Variants in ITPKB observed in about 807,000 individuals in gnomAD.
ITPKB encodes the protein IP3 3-kinase B.
ITPKB carries 13 observed loss-of-function variants against 69.4 expected under a neutral mutation model. The observed-to-expected ratio is 0.19, with a 90% confidence interval of 0.12 to 0.30. The LOEUF (loss-of-function observed/expected upper bound fraction) is 0.30. ITPKB is among the 10% of genes least tolerant of loss of function. The pLI is 1.00. For synonymous variants in ITPKB, 584 were observed against 513.7 expected, an observed-to-expected ratio of 1.14 and a Z score of -1.85; for missense variants, 1,240 against 1,250.5, an observed-to-expected ratio of 0.99 and a Z score of 0.13.
intron 2 of ITPKB, among the ~76,000 whole-genome samples, chr1:226,656,064 T>C (rs1669281821): frequency 6.6e-6 from 1 of 152,250 alleles, no homozygotes; most frequent in Admixed American, 6.5e-5. Flanking sequence ...GAAGAATGAC[T>C]GAGGATGCTC....
chr1:226,716,448 A>G (rs987621524), intron 2 of ITPKB, among the ~76,000 whole-genome samples: 2 of 152,106 alleles, frequency 1.3e-5, no homozygotes, highest in African/African-American at 4.8e-5. Context: ...ATAAATATGC[A>G]GGATGTGCAG....
chr1:226,650,794 C>G (rs1669174047), intron 2 of ITPKB, among the ~76,000 whole-genome samples: 1 of 152,180 alleles, frequency 6.6e-6, no homozygotes, highest in South Asian at 2.1e-4. Flanking sequence ...CAGGGGAGAA[C>G]ACACATTGCA....
intron 3 of ITPKB, among the ~76,000 whole-genome samples, chr1:226,648,045 G>A (rs1669098509): frequency 6.6e-6 from 1 of 152,204 alleles, no homozygotes; most frequent in South Asian, 2.1e-4. Flanking sequence ...TGCTTCCAGA[G>A]GGTCCTACAT....
At chr1:226,717,140 C>T (rs1657116371) in intron 2 of ITPKB, among the ~76,000 whole-genome samples, 1 of 152,126 alleles carries the variant, frequency 6.6e-6, no homozygotes, top group Non-Finnish European at 1.5e-5. Flanking sequence ...CCCTGTTTCT[C>T]GATGGAGACC....
chr1:226,668,177 G>GCAT (rs1395334701), intron 2 of ITPKB, among the ~76,000 whole-genome samples: 3 of 152,184 alleles, frequency 2.0e-5, no homozygotes, highest in African/African-American at 7.2e-5. Flanking sequence ...AACAATTGCT[G>GCAT]CATTATTCTT....
intron 2 of ITPKB, among the ~76,000 whole-genome samples, chr1:226,667,162 C>A (rs1341475580): frequency 6.6e-6 from 1 of 152,196 alleles, no homozygotes; most frequent in Non-Finnish European, 1.5e-5. Flanking sequence ...TGCTTCTCTG[C>A]TGAGAGGACA....
At position 226,735,587 on chromosome 1, in the gene ITPKB, C is replaced by T. The variant is rs1410993420; in HGVS notation, c.1872G>A (p.Glu624=). 3 of 1,589,686 alleles carry T rather than the reference C, an allele frequency of 1.9e-6. No homozygotes were observed. In the Admixed American group the frequency reaches 5.4e-5, roughly 29 times the overall value. The change falls in exon 2 of 8, where the codon GAG becomes GAA. Residue 624 remains glutamate (E), a synonymous_variant. Transcript: ENST00000429204. ...AGGCTGAGTTGGGGTCCAGGGTGCG[C>T]TCAGGGTCACTGGAGATGTCCTCCT... is the stretch of plus-strand genomic sequence containing the variant. ...DSEEDISSDP[E]RTLDPNSAFL...
chr1:226,676,462 C>G (rs1021804103), intron 2 of ITPKB: 4 of 152,220 alleles, frequency 2.6e-5, no homozygotes, highest in Non-Finnish European at 5.9e-5. Flanking sequence ...CTCCATCCCC[C>G]CAATTCCCCT....
At chr1:226,696,055 G>C (rs1656476965) in intron 2 of ITPKB, among the ~76,000 whole-genome samples, 1 of 152,084 alleles carries the variant, frequency 6.6e-6, no homozygotes, top group South Asian at 2.1e-4. Context: ...CCTGCTACTT[G>C]CCCGGGGCAC....
chr1:226,652,774 C>T (rs1669219534), intron 2 of ITPKB, among the ~76,000 whole-genome samples: 1 of 152,232 alleles, frequency 6.6e-6, no homozygotes, highest in African/African-American at 2.4e-5. Context: ...GGAGTGCTCC[C>T]AAAGCTCCCT....
At chr1:226,655,934 C>A (rs1326079862) in intron 2 of ITPKB, among the ~76,000 whole-genome samples, 1 of 152,242 alleles carries the variant, frequency 6.6e-6, no homozygotes, top group East Asian at 1.9e-4. Context: ...CTGCAGCGCA[C>A]CCGGGCTCAT....
At chr1:226,722,854 T>C (rs914055543) in intron 2 of ITPKB, among the ~76,000 whole-genome samples, 1 of 128,984 alleles carries the variant, frequency 7.8e-6, no homozygotes, top group Non-Finnish European at 1.7e-5. Flanking sequence ...TAATGGGTCC[T>C]GGGGCTAGAA....
At position 226,736,077 on chromosome 1, in the gene ITPKB, GGCTGT is replaced by G. The variant is rs1244430901; in HGVS notation, c.1377_1381del (p.Gln460GlyfsTer79). On this transcript the variant is annotated frameshift_variant, in exon 2 of 8. Transcript: ENST00000429204. LOFTEE classifies it high-confidence loss of function. ...TCCCGCCTCCACATTCCCGGTCCCCGGCTGTGCTGAGGGGCTGCCCCCAAGCAAGC... is the reference window on the plus strand; with the variant it reads ...TCCCGCCTCCACATTCCCGGTCCCCGGCTGAGGGGCTGCCCCCAAGCAAGC... 1 of 1,612,120 alleles carries G rather than the reference GGCTGT, an allele frequency of 6.2e-7. No homozygotes were observed. The highest frequency in any genetic ancestry group is 1.3e-5 in the African/African-American group (1 of 74,940).
At chr1:226,723,938 A>G (rs1450772994) in intron 2 of ITPKB, among the ~76,000 whole-genome samples, 1 of 152,138 alleles carries the variant, frequency 6.6e-6, no homozygotes, top group Non-Finnish European at 1.5e-5. Context: ...TTTTGTCATC[A>G]TCTTCGACAA....
intron 2 of ITPKB, among the ~76,000 whole-genome samples, chr1:226,719,628 C>T (rs2102642517): frequency 6.6e-6 from 1 of 152,358 alleles, no homozygotes; most frequent in Middle Eastern, 3.4e-3. Context: ...AACTCGATTG[C>T]ATTCAATTCC....
chr1:226,647,801 G>A (rs907482866), intron 3 of ITPKB, among the ~76,000 whole-genome samples: 1 of 152,278 alleles, frequency 6.6e-6, no homozygotes, highest in African/African-American at 2.4e-5. Context: ...CCAAGGTGGG[G>A]AGATACAGCA....
In ITPKB at chr1:226,642,209, T is replaced by A. The variant is rs1668976899; in HGVS notation, c.2247-84A>T. 1 of 1,176,006 alleles carries A rather than the reference T, an allele frequency of 8.5e-7. No homozygotes were observed. The highest frequency in any genetic ancestry group is 2.0e-5 in the Admixed American group (1 of 51,142). 72.8% of individuals were successfully genotyped at this position (1,176,006 alleles called of 1,614,324 possible). On this transcript the variant is annotated intron_variant, in intron 4 of 7. Transcript: ENST00000429204. The surrounding 1 kb of genome is among the most constrained non-coding windows in gnomAD (Gnocchi z 6.4). The stretch of plus-strand genomic sequence containing the variant: ...TCCTTTCCTGCCTGGTGGATGAAGG[T>A]TTGGGGCGTGTGTTGCCCAACAGCT...
At position 226,736,974 on chromosome 1, in the gene ITPKB, T is replaced by A. The variant is rs1434666589; in HGVS notation, c.485A>T (p.Gln162Leu). ...GCCCAAACGCGGGCTGCGGGGCGCT[T>A]GAATGGCGGAGCTCTGTGCCTGGAT... is the stretch of plus-strand genomic sequence containing the variant. ...AHIQAQSSAI[Q>L]APRSPRLGRA... is the part of the protein sequence containing the mutation. Residue 162 changes from glutamine to leucine, a missense_variant, in exon 2 of 8, where the codon CAA becomes CTA. By Grantham distance (113) the Gln-to-Leu change is moderately radical. Around this residue, in one of 2 missense-constraint regions of ITPKB, gnomAD observed 992 missense variants for 853.8 expected, o/e 1.16. Transcript: ENST00000429204. 6.2e-7 allele frequency: 1 copy of A among 1,612,410 alleles called. No individual in the cohort carries two copies. The highest frequency in any genetic ancestry group is 8.5e-7 in the Non-Finnish European group (1 of 1,179,922).
intron 2 of ITPKB, among the ~76,000 whole-genome samples, chr1:226,671,304 C>A (rs950758481): frequency 2.6e-5 from 4 of 152,176 alleles, no homozygotes; most frequent in Non-Finnish European, 5.9e-5. Flanking sequence ...ATGTGGGAAA[C>A]CCTTCCACAA....
Sources: allele counts gnomAD v4.1 joint callset (sites outside exome capture counted in the v4.1 genomes callset), GRCh38; gene constraint gnomAD v4.1.1; regional missense constraint gnomAD v4.1.1; non-coding constraint Gnocchi (gnomAD v3.1); transcripts MANE v1.5; gene names NCBI Gene and HGNC (gene_info 2026-07-23, HGNC 2026-07-21).